The following GRM7 variants were observed in gnomAD, a reference collection of about 807,000 sequenced individuals.
GRM7 encodes metabotropic glutamate receptor 7.
Under a neutral mutation model 84.5 loss-of-function variants are expected in GRM7, and 35 were observed. The ratio of observed to expected loss-of-function variants is 0.41; its 90% CI spans 0.32 to 0.55. The LOEUF (loss-of-function observed/expected upper bound fraction) is 0.55. GRM7 is among the 20% of genes least tolerant of loss of function. The pLI is 0.19. For missense variants in GRM7, 1,003 were observed against 1,194.6 expected, an observed-to-expected ratio of 0.84 and a Z score of 2.36; for synonymous variants, 487 against 455.1, an observed-to-expected ratio of 1.07 and a Z score of -0.89.
intron 4 of GRM7, among the ~76,000 whole-genome samples, chr3:7,366,295 A>G (rs149704004): frequency 4.1e-4 from 63 of 151,836 alleles, no homozygotes; most frequent in African/African-American, 1.5e-3. Flanking sequence ...TTTATTTTTA[A>G]CACCTTGACA....
chr3:7,561,253 A>G (rs1694013510), intron 7 of GRM7, among the ~76,000 whole-genome samples: 1 of 152,104 alleles, frequency 6.6e-6, no homozygotes, highest in Non-Finnish European at 1.5e-5. Flanking sequence ...CTCTGCTCCA[A>G]TATTCTAGAA....
intron 1 of GRM7, among the ~76,000 whole-genome samples, chr3:6,891,817 C>T (rs1334218731): frequency 2.0e-5 from 3 of 152,150 alleles, no homozygotes; most frequent in African/African-American, 7.2e-5. Flanking sequence ...TTATAATATC[C>T]TGCAGAGTGT....
chr3:7,038,644 G>C (rs971221761), intron 1 of GRM7, among the ~76,000 whole-genome samples: 1 of 152,120 alleles, frequency 6.6e-6, no homozygotes, highest in African/African-American at 2.4e-5. Flanking sequence ...GATGTGTTCT[G>C]CAATGTTTAT....
intron 4 of GRM7, among the ~76,000 whole-genome samples, chr3:7,320,686 G>A (rs73130294): frequency 4.5e-4 from 44 of 96,894 alleles, no homozygotes; most frequent in South Asian, 1.9e-3. Context: ...TGATCAGTGT[G>A]TGTGTGTGTG....
chr3:7,665,422 G>A (rs1319838175), intron 8 of GRM7, among the ~76,000 whole-genome samples: 2 of 151,818 alleles, frequency 1.3e-5, no homozygotes, highest in Non-Finnish European at 2.9e-5. Context: ...TGATCCACCC[G>A]CCTCGGCCTC....
At chr3:7,494,306 C>T (rs1699623743) in intron 7 of GRM7, among the ~76,000 whole-genome samples, 1 of 152,110 alleles carries the variant, frequency 6.6e-6, no homozygotes, top group Non-Finnish European at 1.5e-5. Flanking sequence ...TCCTTCTAGC[C>T]TGTGTGGTTT....
chr3:7,663,710 G>T (rs914743425), intron 8 of GRM7, among the ~76,000 whole-genome samples: 1 of 152,144 alleles, frequency 6.6e-6, no homozygotes, highest in Non-Finnish European at 1.5e-5. Context: ...ATGTTATGGA[G>T]ACCATGGATT....
intron 4 of GRM7, among the ~76,000 whole-genome samples, chr3:7,333,533 A>AAGTAATTCT (rs1180330812): frequency 6.6e-6 from 1 of 152,194 alleles, no homozygotes; most frequent in Non-Finnish European, 1.5e-5. Context: ...TGAACCAGAA[A>AAGTAATTCT]AGTAATTCTG....
chr3:7,287,826 G>A (rs984041016), intron 2 of GRM7, among the ~76,000 whole-genome samples: 18 of 152,082 alleles, frequency 1.2e-4, no homozygotes, highest in African/African-American at 4.3e-4. Flanking sequence ...CGGGACTAAT[G>A]TATCTTAGCA....
chr3:7,461,289 TAGG>T (rs1698236843), intron 6 of GRM7, among the ~76,000 whole-genome samples: 2 of 152,192 alleles, frequency 1.3e-5, no homozygotes, highest in African/African-American at 4.8e-5. Context: ...TTAATGCATA[TAGG>T]TTTTATTCCT....
chr3:7,270,598 T>A (rs1456476322), intron 2 of GRM7, among the ~76,000 whole-genome samples: 1 of 152,218 alleles, frequency 6.6e-6, no homozygotes, highest in East Asian at 1.9e-4. Flanking sequence ...AATGGCTTCC[T>A]GTCCCAGTTA....
Position 7,415,145 on chromosome 3 carries a change from A to ACAGATCG in GRM7, c.1159_1165dup (p.Lys389ArgfsTer17), listed in dbSNP as rs1696108052. The ACAGATCG allele has an allele frequency of 6.2e-7, 1 of 1,613,074 alleles. No homozygotes were observed. The highest frequency in any genetic ancestry group is 1.3e-5 in the African/African-American group (1 of 74,876). Reference sequence around the variant, plus strand: ...GATTAGTGGGTCAAAAAAAGAAGACACAGATCGCAAATGCACAGGTAATTT... The same window carrying ACAGATCG: ...GATTAGTGGGTCAAAAAAAGAAGACACAGATCGCAGATCGCAAATGCACAGGTAATTT... On this transcript the variant is annotated frameshift_variant, in exon 5 of 10. Transcript: ENST00000357716. LOFTEE classifies it high-confidence loss of function.
chr3:6,905,459 T>C (rs923606851), intron 1 of GRM7, among the ~76,000 whole-genome samples: 3 of 152,304 alleles, frequency 2.0e-5, no homozygotes, highest in Middle Eastern at 3.4e-3. Flanking sequence ...GTTAAGACTT[T>C]TTTAAAATCA....
chr3:6,981,450 G>A (rs999983550), intron 1 of GRM7, among the ~76,000 whole-genome samples: 3 of 152,216 alleles, frequency 2.0e-5, no homozygotes, highest in East Asian at 1.9e-4. Context: ...GAGTATCTTC[G>A]TTTCTTTTTC....
At chr3:7,111,446 A>C (rs1485713275) in intron 1 of GRM7, among the ~76,000 whole-genome samples, 1 of 152,086 alleles carries the variant, frequency 6.6e-6, no homozygotes, top group Non-Finnish European at 1.5e-5. Context: ...TAGGAAGTAA[A>C]ATCAGTAAGT....
intron 4 of GRM7, among the ~76,000 whole-genome samples, chr3:7,411,699 AT>A (rs1288800310): frequency 1.3e-5 from 2 of 151,980 alleles, no homozygotes; most frequent in African/African-American, 4.8e-5. Context: ...TTTTCTGTGT[AT>A]TTCATAGGCA....
chr3:7,203,731 T>C (rs376990301), intron 2 of GRM7, among the ~76,000 whole-genome samples: 2 of 152,344 alleles, frequency 1.3e-5, no homozygotes, highest in African/African-American at 2.4e-5. Context: ...ATGTGTGTTT[T>C]GCCTAGACTT....
At chr3:7,112,627 G>T (rs1035373676) in intron 1 of GRM7, among the ~76,000 whole-genome samples, 1 of 152,124 alleles carries the variant, frequency 6.6e-6, no homozygotes, top group Non-Finnish European at 1.5e-5. Context: ...AGCCTGGTGT[G>T]TGGCAGCCCC....
At chr3:6,983,552 G>A (rs560557153) in intron 1 of GRM7, among the ~76,000 whole-genome samples, 49 of 149,670 alleles carry the variant, frequency 3.3e-4, no homozygotes, top group African/African-American at 1.2e-3. Flanking sequence ...TCTAGTTACT[G>A]TTCCTAATAA....
Sources: allele counts gnomAD v4.1 joint callset (sites outside exome capture counted in the v4.1 genomes callset), GRCh38; gene constraint gnomAD v4.1.1; transcripts MANE v1.5; gene names NCBI Gene and HGNC (gene_info 2026-07-23, HGNC 2026-07-21).